GABRA3: variants seen among roughly 807,000 people sequenced by gnomAD.
GABRA3 encodes the protein gamma-aminobutyric acid receptor subunit alpha-3.
Under a neutral mutation model 30.1 loss-of-function variants are expected in GABRA3, and 10 were observed. The observed-to-expected ratio is 0.33, with a 90% CI of 0.20 to 0.56. GABRA3 has a LOEUF of 0.56. Among genes scored for constraint, GABRA3 ranks in the 20% least tolerant of loss-of-function variants. The pLI, the probability that GABRA3 is intolerant of heterozygous loss-of-function variation, is 0.89. For synonymous variants in GABRA3, 151 were observed against 146.8 expected, an observed-to-expected ratio of 1.03 and a Z score of -0.21; for missense variants, 233 against 392.0, an observed-to-expected ratio of 0.59 and a Z score of 3.42.
At chrX:152,241,168 G>T (rs1396356754) in intron 5 of GABRA3, among the ~76,000 whole-genome samples, 1 of 99,787 alleles carries the variant, frequency 1.0e-5, no homozygotes, top group Non-Finnish European at 2.1e-5. Context: ...ATGTACAGAT[G>T]GGTTTTCGGT....
chrX:152,409,936 A>T (rs1049861219), intron 1 of GABRA3, among the ~76,000 whole-genome samples: 1 of 112,844 alleles, frequency 8.9e-6, no homozygotes, highest in African/African-American at 3.2e-5. Context: ...CTGTATTAAC[A>T]ATAGGCAAAA....
intron 5 of GABRA3, among the ~76,000 whole-genome samples, chrX:152,253,221 C>G (rs1938585429): frequency 9.0e-6 from 1 of 111,712 alleles, no homozygotes; most frequent in Non-Finnish European, 1.9e-5. Context: ...ACTCTATACT[C>G]TTTCCTGAAG....
intron 3 of GABRA3, among the ~76,000 whole-genome samples, chrX:152,290,452 A>T (rs1253169578): frequency 9.0e-6 from 1 of 111,441 alleles, no homozygotes; most frequent in Non-Finnish European, 1.9e-5. Context: ...ATTTTCTCCC[A>T]TTCTGTAGGT....
In GABRA3 at chrX:152,299,432, G is replaced by A. The variant is rs150910955; in HGVS notation, c.263-14697C>T. Among the ~76,000 whole-genome samples, 556 of 110,499 alleles carry A rather than the reference G, an allele frequency of 5.0e-3. 2 individuals are homozygous for A. The highest frequency in any genetic ancestry group is 0.014 in the Middle Eastern group (3 of 217). On this transcript the variant is annotated intron_variant, in intron 3 of 9. Transcript: ENST00000370314. ...GGGCTGCAGCCCTGGGTTGGGATAA[G>A]CGGGGAAGCAGGGGGAAGGTACAAT... is the stretch of plus-strand genomic sequence containing the variant.
At chrX:152,239,205 G>A (rs1168326793) in intron 5 of GABRA3, among the ~76,000 whole-genome samples, 3 of 98,529 alleles carry the variant, frequency 3.0e-5, no homozygotes, top group Non-Finnish European at 4.1e-5. Context: ...CTTTGTTCTC[G>A]TTGGTTTCAA....
At chrX:152,439,817 C>A (rs1930875094) in intron 1 of GABRA3, among the ~76,000 whole-genome samples, 1 of 111,311 alleles carries the variant, frequency 9.0e-6, no homozygotes, top group African/African-American at 3.3e-5. Flanking sequence ...TTAGAAGAAG[C>A]CAGACACAAA....
intron 9 of GABRA3, among the ~76,000 whole-genome samples, chrX:152,174,325 C>T (rs1029962921): frequency 3.6e-5 from 4 of 111,673 alleles, no homozygotes; most frequent in African/African-American, 1.3e-4. Context: ...ATGGCTGGGT[C>T]AAATGGTATT....
chrX:152,330,663 C>T (rs140150152), intron 3 of GABRA3, among the ~76,000 whole-genome samples: 46 of 101,504 alleles, frequency 4.5e-4, no homozygotes, highest in African/African-American at 1.6e-3. Flanking sequence ...AACACTTGGA[C>T]ACAGCGTGGA....
intron 9 of GABRA3, among the ~76,000 whole-genome samples, chrX:152,173,176 G>T (rs184878269): frequency 9.1e-6 from 1 of 110,233 alleles, no homozygotes; most frequent in East Asian, 2.9e-4. Flanking sequence ...GTAAGTCAAT[G>T]GAAAGGAGAG....
At position 152,182,892 on chromosome X, in the gene GABRA3, G is replaced by C. The variant is rs1176393973; in HGVS notation, c.1143+6838C>G. On this transcript the variant is annotated intron_variant, in intron 9 of 9. Coordinates refer to ENST00000370314, the MANE Select transcript of GABRA3 (RefSeq NM_000808.4). ...ACTATATATAGTGTATATATATATA[G>C]TGTATACATATATACTTTAAGAAGT... 3.1e-5 allele frequency among the ~76,000 whole-genome samples: 3 copies of C among 95,804 alleles called. 1 individual carries two copies. Among genetic ancestry groups the C allele is most frequent in the African/African-American group, 1.1e-4 (3 of 26,550 alleles). 83.2% of individuals were successfully genotyped at this position (95,804 alleles called of 115,157 possible). A position where few individuals can be genotyped will look rare whatever the true frequency, so the allele number is the denominator to read the frequency against.
rs755137448 is a variant in GABRA3, at chrX:152,381,362, G to T, written c.-26-16766C>A. 1.8e-4 allele frequency among the ~76,000 whole-genome samples: 20 copies of T among 111,380 alleles called. No homozygotes were observed. The South Asian group carries it at 6.4e-3, about 35-fold the overall frequency. ...TTGCCATTTGTATATGTTCTTTTGA[G>T]AAATGTCTGTTCAAGTTCTTTGCCC... On this transcript the variant is annotated intron_variant, in intron 1 of 9. Coordinates refer to ENST00000370314, the MANE Select transcript of GABRA3 (RefSeq NM_000808.4).
chrX:152,280,417 C>G (rs1939178685), intron 4 of GABRA3, among the ~76,000 whole-genome samples: 1 of 111,435 alleles, frequency 9.0e-6, no homozygotes, highest in Admixed American at 9.6e-5. Flanking sequence ...GACATAGCTA[C>G]TTTTTCTAGC....
At chrX:152,394,142 T>C (rs1280278251) in intron 1 of GABRA3, among the ~76,000 whole-genome samples, 1 of 111,622 alleles carries the variant, frequency 9.0e-6, no homozygotes, top group African/African-American at 3.3e-5. Flanking sequence ...ATAACCTTAC[T>C]ACTTTTTTTG....
At chrX:152,216,245 A>C (rs1485675304) in intron 6 of GABRA3, among the ~76,000 whole-genome samples, 3 of 111,147 alleles carry the variant, frequency 2.7e-5, no homozygotes. Flanking sequence ...CTGGGTATAC[A>C]CCCAAAATAA....
chrX:152,435,173 G>A (rs919174110), intron 1 of GABRA3, among the ~76,000 whole-genome samples: 1 of 112,114 alleles, frequency 8.9e-6, no homozygotes, highest in South Asian at 3.7e-4. Context: ...CAGCCACTGT[G>A]GAAGACAGAG....
chrX:152,191,190 GA>G (rs1180163075), intron 8 of GABRA3, among the ~76,000 whole-genome samples: 6 of 110,163 alleles, frequency 5.4e-5, no homozygotes, highest in Non-Finnish European at 9.5e-5. Context: ...ACTGTTGTTA[GA>G]ACAATAGTGT....
chrX:152,290,354 G>A (rs1487115654), intron 3 of GABRA3, among the ~76,000 whole-genome samples: 1 of 111,353 alleles, frequency 9.0e-6, no homozygotes, highest in Non-Finnish European at 1.9e-5. Flanking sequence ...ACTTTTTGAT[G>A]GGGTTGTTTG....
intron 4 of GABRA3, among the ~76,000 whole-genome samples, chrX:152,280,035 T>C (rs1450487916): frequency 9.0e-6 from 1 of 111,539 alleles, no homozygotes; most frequent in Non-Finnish European, 1.9e-5. Context: ...GTTTTCTAGA[T>C]ATACAAGCAT....
intron 2 of GABRA3, among the ~76,000 whole-genome samples, chrX:152,357,765 T>A (rs1219932922): frequency 9.0e-6 from 1 of 111,536 alleles, no homozygotes; most frequent in African/African-American, 3.3e-5. Flanking sequence ...GTTTGACATG[T>A]AAGTTTTTAA....
Sources: gnomAD v4.1 joint callset for allele counts (sites outside exome capture counted in the v4.1 genomes callset) on GRCh38, gnomAD v4.1.1 for gene constraint, MANE v1.5 for transcripts, NCBI Gene and HGNC (gene_info 2026-07-23, HGNC 2026-07-21) for gene names.